IQGAP2: variants seen among roughly 807,000 people sequenced by gnomAD.
IQGAP2 encodes ras GTPase-activating-like protein IQGAP2.
IQGAP2 carries 173 observed loss-of-function variants against 201.3 expected under a neutral mutation model. The ratio of observed to expected loss-of-function variants is 0.86; its 90% CI spans 0.76 to 0.98. The LOEUF (loss-of-function observed/expected upper bound fraction) is 0.98, where lower values mean the gene tolerates loss of function less well. Among genes scored for constraint, IQGAP2 ranks in the 50% least tolerant of loss-of-function variants. The probability of loss-of-function intolerance (pLI) is 0.00; values close to 1 mark genes in which losing one functional copy is unlikely to be tolerated. For synonymous variants in IQGAP2, 675 were observed against 673.9 expected (o/e 1.00, Z -0.03); for missense variants, 1,687 against 1,864.8 (o/e 0.90, Z 1.76).
At chr5:76,573,757 G>A (rs1745278890) in intron 4 of IQGAP2, among the ~76,000 whole-genome samples, 1 of 151,042 alleles carries the variant, frequency 6.6e-6, no homozygotes, top group African/African-American at 2.4e-5. Flanking sequence ...GACTATAGGT[G>A]TGCTCCACCA....
chr5:76,466,425 AC>A (rs1754784095), intron 2 of IQGAP2, among the ~76,000 whole-genome samples: 1 of 152,146 alleles, frequency 6.6e-6, no homozygotes, highest in South Asian at 2.1e-4. Flanking sequence ...AAGTTGGAGG[AC>A]TCATTTTTCA....
chr5:76,587,949 CA>C (rs768707380), intron 5 of IQGAP2, among the ~76,000 whole-genome samples: 2,131 of 90,364 alleles, frequency 0.024, 32 homozygotes, highest in African/African-American at 0.063. Flanking sequence ...CTGTCTCAAC[CA>C]AAAAAAAAAA....
chr5:76,426,027 G>A (rs1751974428), intron 1 of IQGAP2, among the ~76,000 whole-genome samples: 1 of 152,140 alleles, frequency 6.6e-6, no homozygotes, highest in Non-Finnish European at 1.5e-5. Context: ...TCAAGTCAAC[G>A]GGATTAGAAT....
At chr5:76,660,378 T>TA (rs1220580548) in intron 21 of IQGAP2, 1 of 152,248 alleles carries the variant, frequency 6.6e-6, no homozygotes, top group East Asian at 1.9e-4. Flanking sequence ...CAGTACTTTT[T>TA]AAAAAACAAT....
intron 1 of IQGAP2, among the ~76,000 whole-genome samples, chr5:76,426,468 A>G (rs1242904554): frequency 2.0e-5 from 3 of 152,228 alleles, no homozygotes; most frequent in Middle Eastern, 3.2e-3. Context: ...AGAGGATGCC[A>G]CAGCATTCCA....
intron 13 of IQGAP2, chr5:76,618,068 T>A (rs200748550): frequency 6.2e-7 from 1 of 1,614,072 alleles, no homozygotes; most frequent in Non-Finnish European, 8.5e-7. Flanking sequence ...CCAGTCCACA[T>A]GTTACCAAGG....
chr5:76,567,652 G>C (rs1424084141), intron 3 of IQGAP2, among the ~76,000 whole-genome samples: 1 of 152,126 alleles, frequency 6.6e-6, no homozygotes, highest in African/African-American at 2.4e-5. Context: ...TCTTAACCTT[G>C]AGCCTAACAA....
chr5:76,683,255 G>A (rs1451662360), intron 29 of IQGAP2, 38 bp downstream of exon 29: 2 of 1,432,536 alleles, frequency 1.4e-6, no homozygotes, highest in African/African-American at 2.9e-5. Flanking sequence ...CTTGGTTTTT[G>A]TTTAATTGGG....
At position 76,604,110 on chromosome 5, in the gene IQGAP2, T is replaced by G. The variant is rs2150327751; in HGVS notation, c.1233-2069T>G. On this transcript the variant is annotated intron_variant, in intron 11 of 35. Coordinates refer to ENST00000274364, the MANE Select transcript of IQGAP2 (RefSeq NM_006633.5). Reference sequence around the variant, plus strand: ...CACCATCTAGATTAGGTATTTCTCCTAATGCTATTCCTCCCCTAGTTCCCC... The same window carrying G: ...CACCATCTAGATTAGGTATTTCTCCGAATGCTATTCCTCCCCTAGTTCCCC... 1.3e-5 allele frequency among the ~76,000 whole-genome samples: 2 copies of G among 152,268 alleles called. 1 individual carries two copies.
chr5:76,677,867 G>C (rs1744957889), intron 28 of IQGAP2, among the ~76,000 whole-genome samples: 1 of 152,152 alleles, frequency 6.6e-6, no homozygotes, highest in Non-Finnish European at 1.5e-5. Flanking sequence ...GGAGTCTGAG[G>C]CTGCAGTGAT....
intron 1 of IQGAP2, among the ~76,000 whole-genome samples, chr5:76,426,413 G>A (rs1165844758): frequency 6.6e-6 from 1 of 152,208 alleles, no homozygotes; most frequent in Non-Finnish European, 1.5e-5. Context: ...TTCCTAGACA[G>A]CCTTTACAGC....
Position 76,657,241 on chromosome 5 carries a change from G to A in IQGAP2, c.2321-1218G>A, listed in dbSNP as rs1019270687. On this transcript the variant is annotated intron_variant, in intron 20 of 35. Coordinates refer to ENST00000274364, the MANE Select transcript of IQGAP2 (RefSeq NM_006633.5). Reference sequence around the variant, plus strand: ...GTGGGAGAGGCAGCCATCAACTCTGGCCACAGTGGGAGGGCTCATGTTCCC... The same window carrying A: ...GTGGGAGAGGCAGCCATCAACTCTGACCACAGTGGGAGGGCTCATGTTCCC... Among the ~76,000 whole-genome samples, 4 of 152,212 alleles carry A rather than the reference G, an allele frequency of 2.6e-5. No homozygotes were observed. The East Asian group carries it at 7.7e-4, about 29-fold the overall frequency.
intron 3 of IQGAP2, among the ~76,000 whole-genome samples, chr5:76,568,485 A>C (rs1392968524): frequency 6.6e-6 from 1 of 152,210 alleles, no homozygotes; most frequent in Non-Finnish European, 1.5e-5. Context: ...AGAGATTTCT[A>C]TCTTTCCTGA....
intron 12 of IQGAP2, among the ~76,000 whole-genome samples, chr5:76,610,246 C>T (rs1157585883): frequency 4.1e-5 from 6 of 145,492 alleles, no homozygotes. Flanking sequence ...GATTCTCCTA[C>T]CTCAGCCTCC....
intron 13 of IQGAP2, among the ~76,000 whole-genome samples, chr5:76,619,509 A>T (rs1345005479): frequency 1.4e-5 from 2 of 140,404 alleles, no homozygotes; most frequent in East Asian, 2.1e-4. Flanking sequence ...TTAGTTAAGG[A>T]TCTTCTTTTT....
intron 23 of IQGAP2, 70 bp from the exon 24 acceptor site, chr5:76,671,689 G>A (rs1280153485): frequency 2.7e-4 from 220 of 812,558 alleles, no homozygotes; most frequent in Middle Eastern, 3.8e-4. Context: ...CTGTCTCGGG[G>A]AAAAAAAAAA....
chr5:76,454,057 A>T (rs538925381), intron 1 of IQGAP2, among the ~76,000 whole-genome samples: 1 of 152,286 alleles, frequency 6.6e-6, no homozygotes, highest in African/African-American at 2.4e-5. Flanking sequence ...CTCTGTGCCT[A>T]CTTGGTAATA....
chr5:76,584,852 A>G (rs1037109213), intron 5 of IQGAP2, among the ~76,000 whole-genome samples: 1 of 152,240 alleles, frequency 6.6e-6, no homozygotes, highest in Non-Finnish European at 1.5e-5. Context: ...GGAAACTGCC[A>G]CTGAAGGAAG....
rs545909745 is a variant in IQGAP2 at position 76,551,263 on chromosome 5, C to T, written c.147-11133C>T. The stretch of plus-strand genomic sequence containing the variant: ...ATCCCTCACATCCCAGACGGGGCGG[C>T]GGGGCAGAGGCGCTCCCCACATCTC... On this transcript the variant is annotated intron_variant, in intron 2 of 35. Transcript: ENST00000274364. 2.1e-4 allele frequency among the ~76,000 whole-genome samples: 31 copies of T among 150,538 alleles called. No individual in the cohort carries two copies. The South Asian group carries it at 5.2e-3, about 25-fold the overall frequency.
Sources: gnomAD v4.1 joint callset for allele counts (sites outside exome capture counted in the v4.1 genomes callset) on GRCh38, gnomAD v4.1.1 for gene constraint, MANE v1.5 for transcripts, NCBI Gene and HGNC (gene_info 2026-07-23, HGNC 2026-07-21) for gene names.